The following KAT6B variants were observed in gnomAD, a reference collection of about 807,000 sequenced individuals.
KAT6B encodes histone acetyltransferase KAT6B.
In KAT6B, 10 loss-of-function variants were observed where a neutral mutation model predicts 187.5. The ratio of observed to expected loss-of-function variants is 0.05; its 90% CI spans 0.03 to 0.09. The LOEUF (loss-of-function observed/expected upper bound fraction) is 0.09. Among genes scored for constraint, KAT6B ranks in the 10% least tolerant of loss-of-function variants. KAT6B has a pLI of 1.00. For synonymous variants in KAT6B, 861 were observed against 926.8 expected, an observed-to-expected ratio of 0.93 and a Z score of 1.29; for missense variants, 1,952 against 2,558.9, an observed-to-expected ratio of 0.76 and a Z score of 5.12.
chr10:74,971,110 A>G (rs1226073144), intron 6 of KAT6B, among the ~76,000 whole-genome samples: 2 of 152,202 alleles, frequency 1.3e-5, no homozygotes, highest in Non-Finnish European at 2.9e-5. Context: ...AGTCACATAC[A>G]TTATACAATC....
At chr10:74,990,022 C>T (rs1843027653) in intron 13 of KAT6B, among the ~76,000 whole-genome samples, 1 of 151,584 alleles carries the variant, frequency 6.6e-6, no homozygotes, top group African/African-American at 2.4e-5. Context: ...TGGTGAACCC[C>T]ATCTCTACTA....
chr10:74,908,489 C>T (rs189029593), intron 3 of KAT6B, among the ~76,000 whole-genome samples: 103 of 142,644 alleles, frequency 7.2e-4, no homozygotes, highest in African/African-American at 5.8e-4. Flanking sequence ...ACCTGGGAGG[C>T]GGAGGTTGCA....
rs1198969374 is a variant in KAT6B, at chr10:74,830,731, CATATATATATATATATATATAT to C, written c.-329+3963_-329+3984del. Reference sequence around the variant, plus strand: ...TTAGTAATCAGATTGCACAGCTCTTCATATATATATATATATATATATATATATATATATATATTTTTTTTTT... The same window carrying C: ...TTAGTAATCAGATTGCACAGCTCTTCATATATATATATATATTTTTTTTTT... On this transcript the variant is annotated intron_variant, in intron 1 of 17. Coordinates refer to ENST00000287239, the MANE Select transcript of KAT6B (RefSeq NM_012330.4). Among the ~76,000 whole-genome samples the C allele has an allele frequency of 1.1e-3, 19 of 17,206 alleles. No individual in the cohort carries two copies. The East Asian group carries it at 0.019, about 18-fold the overall frequency. The allele number at this position is 17,206 out of a possible 152,430, so 11.3% of individuals were successfully genotyped here.
At position 74,877,167 on chromosome 10, in the gene KAT6B, T is replaced by C. The variant is rs1185087966; in HGVS notation, c.621+33689T>C. Among the ~76,000 whole-genome samples the C allele has an allele frequency of 6.6e-5, 10 of 152,066 alleles. No homozygotes were observed. The East Asian group carries it at 1.9e-3, about 30-fold the overall frequency. ...TTTTAGTGGAGACAGGGTTTCACCA[T>C]GTTGGCCAGGCTGGTGTCAAACTCC... On this transcript the variant is annotated intron_variant, in intron 3 of 17. Coordinates refer to ENST00000287239, the MANE Select transcript of KAT6B (RefSeq NM_012330.4).
intron 17 of KAT6B, chr10:75,025,941 CT>C (rs1375205546): frequency 6.6e-6 from 1 of 152,576 alleles, no homozygotes; most frequent in Non-Finnish European, 1.5e-5. Context: ...AGCTGGATCA[CT>C]TGAGCCCAGG....
intron 11 of KAT6B, 79 bp from the exon 12 acceptor site, chr10:74,985,001 G>A: frequency 7.8e-7 from 1 of 1,277,284 alleles, no homozygotes; most frequent in Non-Finnish European, 1.1e-6. Context: ...TGTACTTTCT[G>A]AAATACCATA....
chr10:74,844,238 G>C (rs1394721362), intron 3 of KAT6B, among the ~76,000 whole-genome samples: 1 of 150,584 alleles, frequency 6.6e-6, no homozygotes, highest in Non-Finnish European at 1.5e-5. Flanking sequence ...TGCTCTTGTT[G>C]CCCAGGCTGG....
At chr10:75,008,514 G>A (rs1214077101) in intron 13 of KAT6B, among the ~76,000 whole-genome samples, 1 of 152,232 alleles carries the variant, frequency 6.6e-6, no homozygotes, top group African/African-American at 2.4e-5. Context: ...GTGATTGTCT[G>A]TTCATAGACT....
rs1385883942 is a variant in KAT6B, at chr10:75,030,103, C to T, written c.5279C>T (p.Pro1760Leu). Residue 1760 changes from proline (P) to leucine (L), a missense_variant, in exon 18 of 18, where the codon CCG becomes CTG. Transcript: ENST00000287239. This position sits in a 1 kb window ranked among gnomAD's most constrained non-coding sequence, Gnocchi z 4.8. ...CAAGGCTGTGTGGTGGAGAGGCCTCCGAGCAGCAGCCAGCAGCTGGCTCAG... is the reference window on the plus strand; with the variant it reads ...CAAGGCTGTGTGGTGGAGAGGCCTCTGAGCAGCAGCCAGCAGCTGGCTCAG... The part of the protein sequence containing the change: ...SPQGCVVERP[P>L]SSSQQLAQCS... 1.1e-5 allele frequency: 18 copies of T among 1,614,118 alleles called. No homozygotes were observed. Among genetic ancestry groups the T allele is most frequent in the Non-Finnish European group, 1.4e-5 (17 of 1,180,050 alleles).
intron 1 of KAT6B, among the ~76,000 whole-genome samples, chr10:74,830,308 A>C (rs915486096): frequency 5.3e-5 from 8 of 152,060 alleles, no homozygotes; most frequent in Non-Finnish European, 8.8e-5. Flanking sequence ...GAGTTGTTTC[A>C]AGTTTGGGGC....
At chr10:74,984,397 A>G (rs1440291475) in intron 11 of KAT6B, 1 of 152,248 alleles carries the variant, frequency 6.6e-6, no homozygotes, top group Non-Finnish European at 1.5e-5. Context: ...AGAAATTGGC[A>G]TCTGTGCCTA....
intron 3 of KAT6B, among the ~76,000 whole-genome samples, chr10:74,919,551 C>T (rs192649606): frequency 3.5e-4 from 53 of 152,190 alleles, no homozygotes; most frequent in African/African-American, 1.2e-3. Flanking sequence ...CAGGTGTGCT[C>T]CACCACGCCC....
chr10:74,970,980 A>G (rs1276171718), intron 6 of KAT6B, among the ~76,000 whole-genome samples: 1 of 152,130 alleles, frequency 6.6e-6, no homozygotes, highest in African/African-American at 2.4e-5. Context: ...TGGGTCACAG[A>G]TATGCTTTGT....
chr10:74,978,019 C>T (rs138730186), intron 9 of KAT6B, among the ~76,000 whole-genome samples: 3 of 152,270 alleles, frequency 2.0e-5, no homozygotes, highest in African/African-American at 4.8e-5. Flanking sequence ...TTCTCAAAGA[C>T]GAATCTAATA....
chr10:74,970,096 CA>C lies in KAT6B; in HGVS notation c.927del (p.Met311CysfsTer24). 1 of 1,606,272 alleles carries C rather than the reference CA, an allele frequency of 6.2e-7. No individual in the cohort carries two copies. Among genetic ancestry groups the C allele is most frequent in the Non-Finnish European group, 8.5e-7 (1 of 1,173,106 alleles). The part of the protein sequence containing the change: ...ECCDPPLSRM[P>X]KGMWICQVCR... ...TGTGACCCACCACTTTCCAGAATGC[CA>C]AAAGGTGAACTTCTAAACTGTACTA... On this transcript the variant is annotated frameshift_variant, in exon 6 of 18. Coordinates refer to ENST00000287239, the MANE Select transcript of KAT6B (RefSeq NM_012330.4). LOFTEE classifies it high-confidence loss of function.
chr10:74,852,622 C>T (rs1842545798), intron 3 of KAT6B, among the ~76,000 whole-genome samples: 2 of 152,192 alleles, frequency 1.3e-5, no homozygotes, highest in Non-Finnish European at 2.9e-5. Context: ...TTCTATTGTA[C>T]TCTGAGGCAT....
At chr10:74,967,986 G>A (rs1271800681) in intron 4 of KAT6B, among the ~76,000 whole-genome samples, 1 of 152,168 alleles carries the variant, frequency 6.6e-6, no homozygotes, top group Non-Finnish European at 1.5e-5. Context: ...TAAAAAAGAG[G>A]GGGGAAGTAA....
chr10:74,969,760 C>G lies in KAT6B; in HGVS notation c.831C>G (p.Val277=). Residue 277 remains valine, a synonymous_variant, in exon 5 of 18, where the codon GTC becomes GTG. Coordinates refer to ENST00000287239, the MANE Select transcript of KAT6B (RefSeq NM_012330.4). ...GCAAGACATGCAGTGCCTGTAGAGT[C>G]CAAGGCAGAAATGCTGTAAGTATGG... is the stretch of plus-strand genomic sequence containing the variant. ...IECKTCSACR[V]QGRNADNMLF... 1.2e-6 allele frequency: 2 copies of G among 1,610,600 alleles called. No individual in the cohort carries two copies. The highest frequency in any genetic ancestry group is 1.7e-6 in the Non-Finnish European group (2 of 1,176,820).
intron 14 of KAT6B, 137 bp from the exon 15 acceptor site, chr10:75,020,989 G>A (rs2134157130): frequency 1.0e-6 from 1 of 1,000,508 alleles, no homozygotes; most frequent in Non-Finnish European, 1.6e-6. Context: ...GGATTCCAGT[G>A]TTCTGTACCC....
Sources: allele counts gnomAD v4.1 joint callset (sites outside exome capture counted in the v4.1 genomes callset), GRCh38; gene constraint gnomAD v4.1.1; non-coding constraint Gnocchi (gnomAD v3.1); transcripts MANE v1.5; gene names NCBI Gene and HGNC (gene_info 2026-07-23, HGNC 2026-07-21).